The following ACACA variants were observed in gnomAD, a reference collection of about 807,000 sequenced individuals.
ACACA encodes the protein acetyl-CoA carboxylase 1.
Under a neutral mutation model 296.1 loss-of-function variants are expected in ACACA, and 103 were observed. The ratio of observed to expected loss-of-function variants is 0.35; its 90% CI spans 0.30 to 0.41. ACACA has a LOEUF of 0.41. Ranked by LOEUF, ACACA falls within the 10% of genes least tolerant of loss-of-function variation. The probability of loss-of-function intolerance (pLI) is 1.00; values close to 1 mark genes in which losing one functional copy is unlikely to be tolerated. For missense variants in ACACA, 1,554 were observed against 2,989.7 expected, an observed-to-expected ratio of 0.52 and a Z score of 11.20; for synonymous variants, 953 against 1,038.6, an observed-to-expected ratio of 0.92 and a Z score of 1.58.
At chr17:37,249,079 T>C (rs2146054928) in intron 16 of ACACA, among the ~76,000 whole-genome samples, 1 of 152,334 alleles carries the variant, frequency 6.6e-6, no homozygotes, top group Non-Finnish European at 1.5e-5. Context: ...CTGACTACTC[T>C]TCATACTTCA....
chr17:37,114,374 A>C (rs941322986), intron 50 of ACACA, among the ~76,000 whole-genome samples: 1 of 151,382 alleles, frequency 6.6e-6, no homozygotes, highest in African/African-American at 2.4e-5. Context: ...CTCTACAAAA[A>C]CCAAAAAAAT....
At chr17:37,221,444 A>G in intron 29 of ACACA, 1 of 452,108 alleles carries the variant, frequency 2.2e-6, no homozygotes, top group Non-Finnish European at 3.9e-6. Flanking sequence ...ATGCTAGTAA[A>G]TTCTTTCTAA....
intron 1 of ACACA, among the ~76,000 whole-genome samples, chr17:37,382,456 T>A (rs908265722): frequency 2.0e-5 from 3 of 152,042 alleles, no homozygotes; most frequent in African/African-American, 4.8e-5. Flanking sequence ...AAACTTGACA[T>A]TTTTAGAGAA....
chr17:37,343,027 G>A (rs937811707), intron 1 of ACACA, among the ~76,000 whole-genome samples: 1 of 152,064 alleles, frequency 6.6e-6, no homozygotes, highest in Admixed American at 6.6e-5. Context: ...ACCCAGGCTG[G>A]AGTGCAGTGG....
At chr17:37,318,158 T>A (rs188469085) in intron 3 of ACACA, among the ~76,000 whole-genome samples, 18 of 152,306 alleles carry the variant, frequency 1.2e-4, no homozygotes, top group Non-Finnish European at 2.4e-4. Context: ...CCAGAGCCAA[T>A]TTCCTTATTT....
intron 45 of ACACA, among the ~76,000 whole-genome samples, chr17:37,145,795 C>T (rs1228161954): frequency 6.6e-6 from 1 of 152,222 alleles, no homozygotes; most frequent in Non-Finnish European, 1.5e-5. Flanking sequence ...TAATCACCAG[C>T]CTACTGCCTT....
chr17:37,234,367 C>T (rs1457743460), intron 25 of ACACA, among the ~76,000 whole-genome samples: 1 of 152,186 alleles, frequency 6.6e-6, no homozygotes, highest in Admixed American at 6.5e-5. Flanking sequence ...TGCACATTAG[C>T]TCTCATCAAA....
intron 29 of ACACA, among the ~76,000 whole-genome samples, chr17:37,213,649 G>A (rs558210596): frequency 3.3e-5 from 5 of 152,208 alleles, no homozygotes; most frequent in African/African-American, 9.6e-5. Context: ...TCTTATCTCC[G>A]CTCTCCAAGT....
In ACACA at chr17:37,097,258, C is replaced by A; in HGVS notation, c.6721-92G>T. The A allele has an allele frequency of 6.9e-7, 1 of 1,441,872 alleles. No individual in the cohort carries two copies. Among genetic ancestry groups the A allele is most frequent in the East Asian group, 2.4e-5 (1 of 41,544 alleles). 89.3% of individuals were successfully genotyped at this position (1,441,872 alleles called of 1,614,324 possible). A position where few individuals can be genotyped will look rare whatever the true frequency, so the allele number is the denominator to read the frequency against. Reference sequence around the variant, plus strand: ...ACCCACAGGCATAAAAACTGATTCTCCAGGCAAGCCCTTCACAGACCCAAG... The same window carrying A: ...ACCCACAGGCATAAAAACTGATTCTACAGGCAAGCCCTTCACAGACCCAAG... On this transcript the variant is annotated intron_variant, in intron 53 of 55. Coordinates refer to ENST00000616317, the MANE Select transcript of ACACA (RefSeq NM_198834.3). This position sits in a 1 kb window ranked among gnomAD's most constrained non-coding sequence, Gnocchi z 4.8.
intron 3 of ACACA, among the ~76,000 whole-genome samples, chr17:37,295,415 G>GAACAATTC (rs1341953451): frequency 2.0e-5 from 3 of 152,198 alleles, no homozygotes; most frequent in African/African-American, 7.2e-5. Flanking sequence ...AGTTCTTGGT[G>GAACAATTC]TTTTGAACAA....
chr17:37,225,580 CGCGTCAGGA>C (rs2079507629), intron 26 of ACACA: 1 of 187,400 alleles, frequency 5.3e-6, no homozygotes, highest in African/African-American at 2.4e-5. Flanking sequence ...CCAAGGAGAA[CGCGTCAGGA>C]AGTAACACCA....
intron 48 of ACACA, among the ~76,000 whole-genome samples, chr17:37,124,080 A>C (rs763147611): frequency 7.9e-5 from 12 of 152,266 alleles, no homozygotes; most frequent in Non-Finnish European, 1.8e-4. Flanking sequence ...TTCCAAACAT[A>C]CATACCAAAG....
intron 6 of ACACA, among the ~76,000 whole-genome samples, 166 bp from the exon 7 acceptor site, chr17:37,277,280 A>G (rs1028982180): frequency 5.3e-5 from 8 of 152,228 alleles, no homozygotes; most frequent in African/African-American, 1.9e-4. Flanking sequence ...CTCTTTACAG[A>G]GTAACAATAA....
rs1425924475 is a variant in ACACA at position 37,155,768 on chromosome 17, A to G, written c.5362T>C (p.Leu1788=). The change falls in exon 43 of 56, where the codon TTA becomes CTA. Residue 1788 remains leucine (L), a synonymous_variant. Transcript: ENST00000616317. ...PEDPYKGYRY[L]YLTPQDYKRV... ...TTATAATCTTGAGGAGTCAGATATA[A>G]ATACCTGTATCCCTGTGAAGCACAA... The G allele has an allele frequency of 3.7e-6, 6 of 1,604,458 alleles. No individual in the cohort carries two copies. The highest frequency in any genetic ancestry group is 4.3e-6 in the Non-Finnish European group (5 of 1,173,218).
At chr17:37,301,797 T>C (rs1405195159) in intron 3 of ACACA, among the ~76,000 whole-genome samples, 2 of 152,104 alleles carry the variant, frequency 1.3e-5, no homozygotes, top group African/African-American at 2.4e-5. Context: ...CTAGGTCCTT[T>C]GTTTCCATGT....
intron 1 of ACACA, among the ~76,000 whole-genome samples, chr17:37,380,583 T>G (rs890515254): frequency 3.3e-5 from 5 of 152,074 alleles, no homozygotes; most frequent in Admixed American, 2.6e-4. Context: ...TTCAACAGTT[T>G]TTTAAAATTT....
intron 11 of ACACA, among the ~76,000 whole-genome samples, chr17:37,261,498 G>A (rs138436557): frequency 6.6e-5 from 10 of 152,328 alleles, no homozygotes; most frequent in Non-Finnish European, 1.2e-4. Flanking sequence ...AAAAGCCTGC[G>A]ACTGATGATT....
At chr17:37,253,259 G>A (rs1048237257) in intron 14 of ACACA, among the ~76,000 whole-genome samples, 1 of 152,082 alleles carries the variant, frequency 6.6e-6, no homozygotes, top group Non-Finnish European at 1.5e-5. Context: ...AGGCGTGGTG[G>A]CGGGCGCCTG....
At chr17:37,335,778 T>C (rs1224682178) in intron 2 of ACACA, among the ~76,000 whole-genome samples, 1 of 152,172 alleles carries the variant, frequency 6.6e-6, no homozygotes, top group Non-Finnish European at 1.5e-5. Context: ...CCTTGCAAGA[T>C]CAACTTAACT....
Sources: gnomAD v4.1 joint callset for allele counts (sites outside exome capture counted in the v4.1 genomes callset) on GRCh38, gnomAD v4.1.1 for gene constraint, Gnocchi (gnomAD v3.1) non-coding constraint, MANE v1.5 for transcripts, NCBI Gene and HGNC (gene_info 2026-07-23, HGNC 2026-07-21) for gene names.